The following EIF3G variants were observed in gnomAD, a reference collection of about 807,000 sequenced individuals.
The protein encoded by EIF3G is eukaryotic translation initiation factor 3 subunit G.
Under a neutral mutation model 41.7 loss-of-function variants are expected in EIF3G, and 10 were observed. The observed-to-expected ratio is 0.24, with a 90% CI of 0.15 to 0.41. The LOEUF is 0.41. Among genes scored for constraint, EIF3G ranks in the 10% least tolerant of loss-of-function variants. EIF3G has a pLI of 1.00. For missense variants in EIF3G, 297 were observed against 444.0 expected (o/e 0.67, Z 2.98); for synonymous variants, 204 against 172.5 (o/e 1.18, Z -1.43).
At position 10,115,772 on chromosome 19, in the gene EIF3G, C is replaced by T. The variant is rs2145226235; in HGVS notation, c.752G>A (p.Arg251His). 1 of 1,614,068 alleles carries T rather than the reference C, an allele frequency of 6.2e-7. No homozygotes were observed. Among genetic ancestry groups the T allele is most frequent in the Non-Finnish European group, 8.5e-7 (1 of 1,180,036 alleles). ...GAAGAGCTCCTGCAGGTCGGTCTCA[C>T]GCGTGTCCTCTGACAAGTTGGTGAC... ...IRVTNLSEDT[R>H]ETDLQELFRP... Residue 251 changes from arginine (R) to histidine (H), a missense_variant, in exon 9 of 11, where the codon CGT (arginine) becomes CAT (histidine). Around this residue, in one of 4 missense-constraint regions of EIF3G, gnomAD observed 91 missense variants for 170.5 expected, o/e 0.53. Coordinates refer to ENST00000253108, the MANE Select transcript of EIF3G (RefSeq NM_003755.5).
rs1371926635 is a variant in EIF3G at position 10,115,077 on chromosome 19, C to T, written c.*37G>A. On this transcript the variant is annotated 3_prime_UTR_variant, in exon 11 of 11. Transcript: ENST00000253108. Reference sequence around the variant, plus strand: ...CGCTCTCGGAGGCTGTCTTCTGTCGCCAAGGGTCCCGGACCGAGTACACAG... The same window carrying T: ...CGCTCTCGGAGGCTGTCTTCTGTCGTCAAGGGTCCCGGACCGAGTACACAG... 1.1e-5 allele frequency: 17 copies of T among 1,613,632 alleles called. No homozygotes were observed. The highest frequency in any genetic ancestry group is 1.4e-5 in the Non-Finnish European group (16 of 1,179,978).
Position 10,115,058 on chromosome 19 carries a change from CGGA to C in EIF3G, c.*53_*55del. The C allele has an allele frequency of 6.2e-7, 1 of 1,612,188 alleles. No homozygotes were observed. Among genetic ancestry groups the C allele is most frequent in the Admixed American group, 1.7e-5 (1 of 59,758 alleles). On this transcript the variant is annotated 3_prime_UTR_variant, in exon 11 of 11. Transcript: ENST00000253108. ...TTATTGCCCTTGGAGCCCGCGCTCT[CGGA>C]GGCTGTCTTCTGTCGCCAAGGGTCC... is the stretch of plus-strand genomic sequence containing the variant.
chr19:10,119,186 G>A lies in EIF3G; in HGVS notation c.68-15C>T, dbSNP rs1011415694. 10 of 1,564,564 alleles carry A rather than the reference G, an allele frequency of 6.4e-6. No individual in the cohort carries two copies. Among genetic ancestry groups the A allele is most frequent in the Middle Eastern group, 1.7e-4 (1 of 6,032 alleles). On this transcript the variant is annotated splice_polypyrimidine_tract_variant and intron_variant, in intron 2 of 10. Transcript: ENST00000253108. ...GACACATTTGTCTGCAAAAGGCAGCGTAGGAAGGAGGAGTCAGCTCCAGGG... is the reference window on the plus strand; with the variant it reads ...GACACATTTGTCTGCAAAAGGCAGCATAGGAAGGAGGAGTCAGCTCCAGGG...
At chr19:10,117,780 G>T (rs956530523) in intron 5 of EIF3G, among the ~76,000 whole-genome samples, 1 of 152,220 alleles carries the variant, frequency 6.6e-6, no homozygotes, top group African/African-American at 2.4e-5. Context: ...CCGTGGCTGG[G>T]CGCAGTGGCT....
At chr19:10,118,520 G>A (rs768181325) in intron 5 of EIF3G, 148 bp downstream of exon 5, 24 of 838,384 alleles carry the variant, frequency 2.9e-5, no homozygotes, top group African/African-American at 2.3e-4. Context: ...AGTCGAGATC[G>A]TGCCACTGCA....
Position 10,118,546 on chromosome 19 carries a change from C to T in EIF3G, c.300+122G>A, listed in dbSNP as rs764748290. On this transcript the variant is annotated intron_variant, in intron 5 of 10. Transcript: ENST00000253108. ...TGCCACTGCACTTCAGCCTGGGGGA[C>T]AGAGCAACACTCTGTCTCAAAAAAA... 9 of 1,106,842 alleles carry T rather than the reference C, an allele frequency of 8.1e-6. No individual in the cohort carries two copies. In the South Asian group the frequency reaches 1.3e-4, roughly 15 times the overall value. 68.6% of individuals were successfully genotyped at this position (1,106,842 alleles called of 1,614,324 possible). A position where few individuals can be genotyped will look rare whatever the true frequency, so the allele number is the denominator to read the frequency against.
At position 10,116,287 on chromosome 19, in the gene EIF3G, GA is replaced by G; in HGVS notation, c.596-214del. ...AGCGACACTGGTGGAGGAGGAGGAG[GA>G]GGAGCCCCGACCCCACCCCAGAGAG... On this transcript the variant is annotated intron_variant, in intron 7 of 10. Coordinates refer to ENST00000253108, the MANE Select transcript of EIF3G (RefSeq NM_003755.5). The surrounding 1 kb of genome is among the most constrained non-coding windows in gnomAD (Gnocchi z 4.1). The G allele has an allele frequency of 1.7e-6, 1 of 599,644 alleles. No individual in the cohort carries two copies. Among genetic ancestry groups the G allele is most frequent in the South Asian group, 2.0e-5 (1 of 50,222 alleles). The allele number at this position is 599,644 out of a possible 1,614,324, so 37.1% of individuals were successfully genotyped here. A position where few individuals can be genotyped will look rare whatever the true frequency, so the allele number is the denominator to read the frequency against.
chr19:10,118,391 C>T (rs1473895058), intron 5 of EIF3G: 1 of 408,960 alleles, frequency 2.4e-6, no homozygotes, highest in African/African-American at 2.1e-5. Flanking sequence ...CATGGCAAAA[C>T]CCCGTCTCTA....
At position 10,116,327 on chromosome 19, in the gene EIF3G, C is replaced by T. The variant is rs2145227332; in HGVS notation, c.596-253G>A. The T allele has an allele frequency of 1.7e-6, 1 of 571,590 alleles. No homozygotes were observed. The highest frequency in any genetic ancestry group is 3.1e-6 in the Non-Finnish European group (1 of 319,788). The allele number at this position is 571,590 out of a possible 1,614,324, so 35.4% of individuals were successfully genotyped here. ...CACCCCAGAGAGGGCGGGAGGACAA[C>T]AGGGGCAGCAGCCTCACATGCACAG... On this transcript the variant is annotated intron_variant, in intron 7 of 10. Transcript: ENST00000253108. The surrounding 1 kb of genome is among the most constrained non-coding windows in gnomAD (Gnocchi z 4.1).
chr19:10,115,767 T>C lies in EIF3G; in HGVS notation c.757A>G (p.Thr253Ala). 1 of 1,614,094 alleles carries C rather than the reference T, an allele frequency of 6.2e-7. No individual in the cohort carries two copies. The highest frequency in any genetic ancestry group is 1.1e-5 in the South Asian group (1 of 91,082). ...GGCCGGAAGAGCTCCTGCAGGTCGG[T>C]CTCACGCGTGTCCTCTGACAAGTTG... is the stretch of plus-strand genomic sequence containing the variant. ...VTNLSEDTRE[T>A]DLQELFRPFG... The change falls in exon 9 of 11, where the codon ACC (threonine) becomes GCC (alanine). Residue 253 changes from threonine to alanine, a missense_variant. This residue lies in a region of EIF3G where 91 missense variants were observed against 170.5 expected (regional missense o/e 0.53). Coordinates refer to ENST00000253108, the MANE Select transcript of EIF3G (RefSeq NM_003755.5).
At chr19:10,118,599 C>T in intron 5 of EIF3G, 69 bp downstream of exon 5, 2 of 1,435,496 alleles carry the variant, frequency 1.4e-6, no homozygotes, top group South Asian at 2.3e-5. Flanking sequence ...AGCCCCATCT[C>T]TAAACACAAA....
intron 5 of EIF3G, 42 bp downstream of exon 5, chr19:10,118,626 T>C (rs772822412): frequency 1.2e-6 from 2 of 1,611,292 alleles, no homozygotes; most frequent in South Asian, 2.2e-5. Flanking sequence ...GAGCACGGTT[T>C]TCCAATTCCT....
At chr19:10,117,528 C>T in intron 5 of EIF3G, 1 of 265,310 alleles carries the variant, frequency 3.8e-6, no homozygotes, top group Non-Finnish European at 7.1e-6. Flanking sequence ...GCTAGACAAC[C>T]TGAGCCTCAG....
intron 5 of EIF3G, chr19:10,117,535 T>A (rs1300670013): frequency 6.6e-5 from 17 of 256,982 alleles, no homozygotes. Context: ...AACCTGAGCC[T>A]CAGCTTCCTC....
In EIF3G at chr19:10,115,052, C is replaced by T. The variant is rs945554491; in HGVS notation, c.*62G>A. The T allele has an allele frequency of 3.5e-5, 56 of 1,609,966 alleles. No homozygotes were observed. Among genetic ancestry groups the T allele is most frequent in the Admixed American group, 1.0e-4 (6 of 59,522 alleles). ...GCTGCTTTATTGCCCTTGGAGCCCG[C>T]GCTCTCGGAGGCTGTCTTCTGTCGC... On this transcript the variant is annotated 3_prime_UTR_variant, in exon 11 of 11. Transcript: ENST00000253108.
chr19:10,117,330 C>A (rs2089268485), intron 5 of EIF3G, 142 bp from the exon 6 acceptor site: 1 of 637,214 alleles, frequency 1.6e-6, no homozygotes, highest in Admixed American at 2.8e-5. Context: ...ACTCCCTGAA[C>A]AGTCCTGGCG....
At chr19:10,115,290 T>A in intron 10 of EIF3G, 161 bp from the exon 11 acceptor site, 1 of 1,129,330 alleles carries the variant, frequency 8.9e-7, no homozygotes, top group Non-Finnish European at 1.2e-6. Context: ...GTCCACGGAC[T>A]GGCAGGGACC....
intron 5 of EIF3G, chr19:10,117,555 A>T (rs1219056035): frequency 1.4e-5 from 3 of 221,526 alleles, no homozygotes; most frequent in Non-Finnish European, 2.6e-5. Flanking sequence ...CCCTTATAAA[A>T]CGGGAACCAC....
chr19:10,118,335 G>T, intron 5 of EIF3G: 1 of 329,706 alleles, frequency 3.0e-6, no homozygotes, highest in Non-Finnish European at 5.8e-6. Context: ...GGAGGCCTAG[G>T]TGCGCAGATC....
Sources: allele counts gnomAD v4.1 joint callset (sites outside exome capture counted in the v4.1 genomes callset), GRCh38; gene constraint gnomAD v4.1.1; regional missense constraint gnomAD v4.1.1; non-coding constraint Gnocchi (gnomAD v3.1); transcripts MANE v1.5; gene names NCBI Gene and HGNC (gene_info 2026-07-23, HGNC 2026-07-21).